Variants in CEP112 observed in about 807,000 individuals in gnomAD.
CEP112 encodes the protein centrosomal protein 112.
Under a neutral mutation model 153.0 loss-of-function variants are expected in CEP112, and 127 were observed. The ratio of observed to expected loss-of-function variants is 0.83; its 90% CI spans 0.72 to 0.96. The LOEUF is 0.96. Ranked by LOEUF, CEP112 falls within the 40% of genes least tolerant of loss-of-function variation. The pLI is 0.00. For synonymous variants in CEP112, 358 were observed against 374.4 expected (o/e 0.96, Z 0.51); for missense variants, 1,089 against 1,101.2 (o/e 0.99, Z 0.16).
chr17:65,960,730 C>T (rs1224182954), intron 18 of CEP112, among the ~76,000 whole-genome samples: 2 of 152,180 alleles, frequency 1.3e-5, no homozygotes, highest in Admixed American at 6.5e-5. Flanking sequence ...CAAATATTTT[C>T]GATCCATGGT....
intron 8 of CEP112, among the ~76,000 whole-genome samples, chr17:66,084,424 G>A (rs552784746): frequency 2.1e-4 from 32 of 152,264 alleles, no homozygotes; most frequent in East Asian, 1.5e-3. Context: ...ATCCATCAGC[G>A]GATGAATGGA....
At chr17:65,873,418 C>G (rs1287011854) in intron 20 of CEP112, 2 of 152,206 alleles carry the variant, frequency 1.3e-5, no homozygotes, top group Admixed American at 1.3e-4. Flanking sequence ...CTTGATCTGA[C>G]TTCATTAACC....
chr17:65,899,052 GA>G (rs2059756796), intron 20 of CEP112, among the ~76,000 whole-genome samples: 1 of 152,120 alleles, frequency 6.6e-6, no homozygotes, highest in African/African-American at 2.4e-5. Context: ...AGCAAAATAA[GA>G]ATTACATGTA....
chr17:65,735,476 G>A (rs1486305111), intron 23 of CEP112, among the ~76,000 whole-genome samples: 2 of 152,064 alleles, frequency 1.3e-5, no homozygotes, highest in South Asian at 2.1e-4. Flanking sequence ...CAATACAGAC[G>A]CTCTTCAACT....
At chr17:65,790,909 C>T (rs976259375) in intron 21 of CEP112, among the ~76,000 whole-genome samples, 1 of 152,174 alleles carries the variant, frequency 6.6e-6, no homozygotes, top group African/African-American at 2.4e-5. Flanking sequence ...CTTAGTCTAA[C>T]ACCCTTGCGT....
At chr17:65,983,661 T>C (rs1028839223) in intron 17 of CEP112, among the ~76,000 whole-genome samples, 7 of 152,180 alleles carry the variant, frequency 4.6e-5, no homozygotes, top group Admixed American at 6.5e-5. Flanking sequence ...CTTCTAACCA[T>C]GAGTAAAAGC....
chr17:65,870,626 T>C (rs2146498100), intron 20 of CEP112, among the ~76,000 whole-genome samples: 1 of 152,330 alleles, frequency 6.6e-6, no homozygotes, highest in Middle Eastern at 3.4e-3. Flanking sequence ...AATAACCTTA[T>C]CCTGAAAAAT....
intron 21 of CEP112, chr17:65,751,116 ACCTT>A (rs1184602722): frequency 1.2e-5 from 2 of 166,304 alleles, no homozygotes; most frequent in African/African-American, 4.8e-5. Flanking sequence ...ATACTTTTTC[ACCTT>A]AATTAAAAAA....
At chr17:65,841,813 AATT>A (rs2057528210) in intron 21 of CEP112, among the ~76,000 whole-genome samples, 1 of 151,920 alleles carries the variant, frequency 6.6e-6, no homozygotes, top group South Asian at 2.1e-4. Context: ...AAGTTTGCAT[AATT>A]ATCAGCACTA....
In CEP112 at chr17:66,110,906, A is replaced by C. The variant is rs145734188; in HGVS notation, c.643-14274T>G. Among the ~76,000 whole-genome samples, 1,212 of 152,334 alleles carry C rather than the reference A, an allele frequency of 8.0e-3. 9 individuals carry two copies. Among genetic ancestry groups the C allele is most frequent in the Middle Eastern group, 0.024 (7 of 294 alleles). On this transcript the variant is annotated intron_variant, in intron 6 of 26. Coordinates refer to ENST00000535342, the MANE Select transcript of CEP112 (RefSeq NM_001199165.4). ...CTTCTGCACATCTGCACAGCAAAAG[A>C]AACTATCAAGAGAGTAAACAGACAA...
intron 4 of CEP112, among the ~76,000 whole-genome samples, chr17:66,149,888 G>GTTTTTTTTTTTTTTTTTTTTTTTTTTT (rs71160535): frequency 1.8e-5 from 1 of 54,710 alleles, no homozygotes; most frequent in Non-Finnish European, 3.1e-5. Flanking sequence ...TTGTTTGTTT[G>GTTTTTTTTTTTTTTTTTTTTTTTTTTT]TTTTTTTTTT....
rs570389723 is a variant in CEP112, at chr17:65,821,514, TTATATATA to T, written c.2394+30282_2394+30289del. On this transcript the variant is annotated intron_variant, in intron 21 of 26. Transcript: ENST00000535342. ...TATATAATTATATATATATATATAA[TTATATATA>T]TATATATATATATATATATTTTTTT... Among the ~76,000 whole-genome samples the T allele has an allele frequency of 9.0e-3, 451 of 50,158 alleles. 4 individuals are homozygous for T. The highest frequency in any genetic ancestry group is 0.013 in the Admixed American group (32 of 2,534). The allele number at this position is 50,158 out of a possible 152,430, so 32.9% of individuals were successfully genotyped here. A position where few individuals can be genotyped will look rare whatever the true frequency, so the allele number is the denominator to read the frequency against.
Position 65,844,662 on chromosome 17 carries a change from G to C in CEP112, c.2394+7142C>G, listed in dbSNP as rs539017111. On this transcript the variant is annotated intron_variant, in intron 21 of 26. Transcript: ENST00000535342. ...ATCAGGCTCCATCCTGGGCTACAAAGGAAGACTCTATCTCAAAAAAAAAAA... is the reference window on the plus strand; with the variant it reads ...ATCAGGCTCCATCCTGGGCTACAAACGAAGACTCTATCTCAAAAAAAAAAA... 3.5e-4 allele frequency among the ~76,000 whole-genome samples: 52 copies of C among 149,020 alleles called. No homozygotes were observed. In the East Asian group the frequency reaches 7.1e-3, roughly 20 times the overall value.
Position 66,043,585 on chromosome 17 carries a change from C to T in CEP112, c.1218+10151G>A, listed in dbSNP as rs1183490563. Among the ~76,000 whole-genome samples the T allele has an allele frequency of 5.3e-5, 8 of 152,194 alleles. No homozygotes were observed. In the East Asian group the frequency reaches 1.2e-3, roughly 22 times the overall value. On this transcript the variant is annotated intron_variant, in intron 12 of 26. Transcript: ENST00000535342. ...AGAAAGCCTAGAATCTCAATAAAGC[C>T]GCCCACAGATTTTCAGTGTGTCTAA...
intron 4 of CEP112, among the ~76,000 whole-genome samples, chr17:66,141,184 T>A (rs1446253193): frequency 6.7e-6 from 1 of 149,928 alleles, no homozygotes; most frequent in East Asian, 1.9e-4. Context: ...TTCACTGATT[T>A]GATTTTCTGT....
chr17:66,008,990 T>C (rs1029609810), intron 16 of CEP112, among the ~76,000 whole-genome samples: 1 of 152,210 alleles, frequency 6.6e-6, no homozygotes, highest in Non-Finnish European at 1.5e-5. Flanking sequence ...GCAATGAACA[T>C]AGGAGTGTAG....
chr17:65,697,044 G>C (rs1020157666), intron 23 of CEP112, among the ~76,000 whole-genome samples: 4 of 152,036 alleles, frequency 2.6e-5, no homozygotes, highest in Admixed American at 2.6e-4. Context: ...GAAGAGGAAG[G>C]CCTATTTTTA....
intron 18 of CEP112, among the ~76,000 whole-genome samples, chr17:65,951,106 A>T (rs1046719708): frequency 3.3e-5 from 5 of 152,074 alleles, no homozygotes; most frequent in African/African-American, 1.2e-4. Flanking sequence ...GTGGTGTATA[A>T]TTGTCTGTAT....
intron 20 of CEP112, among the ~76,000 whole-genome samples, chr17:65,868,791 T>C (rs1307367204): frequency 2.0e-5 from 3 of 152,226 alleles, no homozygotes; most frequent in Non-Finnish European, 2.9e-5. Flanking sequence ...ATTAAAAGCA[T>C]ATTTTACTAT....
Sources: gnomAD v4.1 joint callset for allele counts (sites outside exome capture counted in the v4.1 genomes callset) on GRCh38, gnomAD v4.1.1 for gene constraint, MANE v1.5 for transcripts, NCBI Gene and HGNC (gene_info 2026-07-23, HGNC 2026-07-21) for gene names.